The following LCORL variants were observed in gnomAD, a reference collection of about 807,000 sequenced individuals.
LCORL encodes ligand dependent nuclear receptor corepressor like.
Under a neutral mutation model 141.8 loss-of-function variants are expected in LCORL, and 41 were observed. The ratio of observed to expected loss-of-function variants is 0.29; its 90% CI spans 0.23 to 0.38. The LOEUF (loss-of-function observed/expected upper bound fraction) is 0.38. LCORL is among the 10% of genes least tolerant of loss of function. LCORL has a pLI of 1.00. For missense variants in LCORL, 1,759 were observed against 2,035.0 expected (o/e 0.86, Z 2.61); for synonymous variants, 618 against 694.1 (o/e 0.89, Z 1.72).
intron 1 of LCORL, among the ~76,000 whole-genome samples, chr4:18,008,482 G>A (rs952454327): frequency 1.3e-5 from 2 of 152,202 alleles, no homozygotes; most frequent in Non-Finnish European, 2.9e-5. Context: ...CAGAAAGGAT[G>A]AGACTTGCTA....
intron 5 of LCORL, among the ~76,000 whole-genome samples, chr4:17,889,850 C>T (rs1451374642): frequency 1.3e-5 from 2 of 151,832 alleles, no homozygotes; most frequent in Admixed American, 6.6e-5. Flanking sequence ...TACATCATTC[C>T]AAAGTACTAA....
chr4:17,890,113 C>G lies in LCORL; in HGVS notation c.683-3952G>C, dbSNP rs552055524. ...GTATTCAGGTTGTTTTAGTTTTTCA[C>G]TGTTACAATGCTGAAATGAATATCC... On this transcript the variant is annotated intron_variant, in intron 5 of 7. Coordinates refer to ENST00000635767, the Ensembl canonical transcript of LCORL. 3.0e-4 allele frequency among the ~76,000 whole-genome samples: 45 copies of G among 152,124 alleles called. 1 individual carries two copies. Among genetic ancestry groups the G allele is most frequent in the Admixed American group, 1.4e-3 (21 of 15,260 alleles).
chr4:18,014,109 G>T (rs1182774443), intron 1 of LCORL, among the ~76,000 whole-genome samples: 1 of 152,034 alleles, frequency 6.6e-6, no homozygotes, highest in Non-Finnish European at 1.5e-5. Flanking sequence ...TGCCCGGCCT[G>T]CAATTTAATT....
At chr4:17,853,639 T>C (rs934067634) in intron 7 of LCORL, among the ~76,000 whole-genome samples, 12 of 152,144 alleles carry the variant, frequency 7.9e-5, no homozygotes, top group African/African-American at 2.4e-4. Flanking sequence ...TCTGAACTCA[T>C]CTATTTAACT....
chr4:17,909,587 A>T (rs539090567), intron 4 of LCORL, among the ~76,000 whole-genome samples: 1 of 152,146 alleles, frequency 6.6e-6, no homozygotes, highest in South Asian at 2.1e-4. Flanking sequence ...TCTGGTCCCA[A>T]ACTAAAATAC....
At chr4:17,951,331 A>T (rs1421397209) in intron 4 of LCORL, among the ~76,000 whole-genome samples, 1 of 152,060 alleles carries the variant, frequency 6.6e-6, no homozygotes, top group Non-Finnish European at 1.5e-5. Flanking sequence ...ACAATCTCTA[A>T]CTCCTCTTCC....
intron 7 of LCORL, among the ~76,000 whole-genome samples, chr4:17,852,534 A>G (rs1393632852): frequency 6.6e-6 from 1 of 152,184 alleles, no homozygotes; most frequent in Admixed American, 6.5e-5. Flanking sequence ...TTTGGTGAAA[A>G]GAGAAAGAAG....
At chr4:17,866,044 G>A (rs553599687) in intron 7 of LCORL, among the ~76,000 whole-genome samples, 6 of 152,286 alleles carry the variant, frequency 3.9e-5, no homozygotes, top group African/African-American at 1.2e-4. Flanking sequence ...ATAAGAACTT[G>A]TATAGTCTGT....
chr4:18,021,817 C>T lies in LCORL; in HGVS notation c.-66G>A. 2.3e-6 allele frequency: 3 copies of T among 1,304,514 alleles called. No homozygotes were observed. The highest frequency in any genetic ancestry group is 3.5e-5 in the Admixed American group (1 of 28,528). The allele number at this position is 1,304,514 out of a possible 1,614,324, so 80.8% of individuals were successfully genotyped here. ...CGCAGGCACGAGGCAGGGGCGCGAG[C>T]CCTCGGCGCGAGCCCCGGAGCGCGC... is the stretch of plus-strand genomic sequence containing the variant. On this transcript the variant is annotated 5_prime_UTR_variant, in exon 1 of 8. Transcript: ENST00000635767. The surrounding 1 kb of genome is among the most constrained non-coding windows in gnomAD (Gnocchi z 5.5).
intron 7 of LCORL, among the ~76,000 whole-genome samples, chr4:17,873,034 G>A (rs1726540347): frequency 6.6e-6 from 1 of 151,982 alleles, no homozygotes; most frequent in South Asian, 2.1e-4. Flanking sequence ...TTTTTAGTTA[G>A]TTACTTGGTT....
chr4:17,876,119 A>G, exon 7 of LCORL: 4 of 1,230,984 alleles, frequency 3.2e-6, no homozygotes, highest in Non-Finnish European at 4.1e-6. Flanking sequence ...TGATAGGACT[A>G]GAATAGTTGG....
intron 4 of LCORL, among the ~76,000 whole-genome samples, chr4:17,909,762 C>T (rs1310703773): frequency 1.3e-5 from 2 of 151,940 alleles, no homozygotes; most frequent in Admixed American, 6.6e-5. Context: ...ACTAGGAAAA[C>T]GTCTAAATTC....
intron 1 of LCORL, among the ~76,000 whole-genome samples, chr4:17,995,745 C>T (rs542561767): frequency 2.7e-4 from 41 of 152,222 alleles, no homozygotes; most frequent in African/African-American, 9.4e-4. Context: ...TAGTCTCACC[C>T]TCTCATTAGC....
intron 7 of LCORL, among the ~76,000 whole-genome samples, chr4:17,865,629 A>C (rs944960335): frequency 6.6e-6 from 1 of 152,268 alleles, no homozygotes; most frequent in South Asian, 2.1e-4. Context: ...AGGGAAACTT[A>C]TAACATTATG....
At chr4:17,869,830 C>T (rs1017275929) in intron 7 of LCORL, among the ~76,000 whole-genome samples, 22 of 152,258 alleles carry the variant, frequency 1.4e-4, no homozygotes, top group Middle Eastern at 6.8e-3. Context: ...TTTCTCACAT[C>T]TAAAGAGCAT....
At chr4:17,881,878 A>C in intron 6 of LCORL, 1 of 983,988 alleles carries the variant, frequency 1.0e-6, no homozygotes, top group Non-Finnish European at 1.2e-6. Flanking sequence ...ATACTAAATA[A>C]TGCAAGTTCT....
intron 6 of LCORL, chr4:17,882,350 A>G (rs776759209): frequency 2.0e-6 from 2 of 984,640 alleles, no homozygotes; most frequent in Non-Finnish European, 2.4e-6. Flanking sequence ...TACATAAAGC[A>G]AATCCCTATT....
intron 2 of LCORL, among the ~76,000 whole-genome samples, chr4:17,964,718 T>G (rs1009336941): frequency 6.6e-6 from 1 of 152,096 alleles, no homozygotes; most frequent in Non-Finnish European, 1.5e-5. Flanking sequence ...AAGATGTTAT[T>G]CCCCACTCAC....
chr4:17,873,888 C>T, exon 7 of LCORL: 2 of 1,233,938 alleles, frequency 1.6e-6, no homozygotes, highest in Non-Finnish European at 2.0e-6. Flanking sequence ...GTCTTTTTGG[C>T]TGCAATTTGT....
Sources: allele counts gnomAD v4.1 joint callset (sites outside exome capture counted in the v4.1 genomes callset), GRCh38; gene constraint gnomAD v4.1.1; non-coding constraint Gnocchi (gnomAD v3.1); transcripts MANE v1.5; gene names NCBI Gene and HGNC (gene_info 2026-07-23, HGNC 2026-07-21).